The following SAAL1 variants were observed in gnomAD, a reference collection of about 807,000 sequenced individuals.
SAAL1 encodes the protein protein SAAL1.
SAAL1 carries 42 observed loss-of-function variants against 59.8 expected under a neutral mutation model. That is an observed-to-expected ratio of 0.70 (90% CI 0.55 to 0.91). The LOEUF is 0.91. SAAL1 is among the 40% of genes least tolerant of loss of function. SAAL1 has a pLI of 0.00. For missense variants in SAAL1, 542 were observed against 561.1 expected, an observed-to-expected ratio of 0.97 and a Z score of 0.34; for synonymous variants, 191 against 194.3, an observed-to-expected ratio of 0.98 and a Z score of 0.14.
At chr11:18,080,578 A>C in intron 11 of SAAL1, 87 bp from the exon 12 acceptor site, 1 of 751,348 alleles carries the variant, frequency 1.3e-6, no homozygotes, top group East Asian at 2.7e-5. Context: ...TGGTTTCTAA[A>C]TGGTCCAATG....
At chr11:18,087,281 A>C in intron 7 of SAAL1, 56 bp from the exon 8 acceptor site, 1 of 1,053,154 alleles carries the variant, frequency 9.5e-7, no homozygotes, top group East Asian at 2.4e-5. Flanking sequence ...AGGGGATTCC[A>C]ATCATTCCTC....
At chr11:18,085,407 T>C (rs1376460569) in intron 9 of SAAL1, among the ~76,000 whole-genome samples, 1 of 149,712 alleles carries the variant, frequency 6.7e-6, no homozygotes, top group Non-Finnish European at 1.5e-5. Flanking sequence ...AGAAAATATG[T>C]CACAGACAAT....
In SAAL1 at chr11:18,081,649, C is replaced by T. The variant is rs1590281876; in HGVS notation, c.1240-146G>A. On this transcript the variant is annotated intron_variant, in intron 10 of 11. Transcript: ENST00000524803. Reference sequence around the variant, plus strand: ...CCTGAACCCACCAACATCAAGGAGGCTTATGTAACCCAAACATGTTCTCCA... The same window carrying T: ...CCTGAACCCACCAACATCAAGGAGGTTTATGTAACCCAAACATGTTCTCCA... 3 of 628,294 alleles carry T rather than the reference C, an allele frequency of 4.8e-6. No individual in the cohort carries two copies. The East Asian group carries it at 8.2e-5, about 17-fold the overall frequency. 38.9% of individuals were successfully genotyped at this position (628,294 alleles called of 1,614,324 possible). A position where few individuals can be genotyped will look rare whatever the true frequency, so the allele number is the denominator to read the frequency against.
chr11:18,096,167 T>C (rs1848573669), intron 3 of SAAL1, among the ~76,000 whole-genome samples: 1 of 152,186 alleles, frequency 6.6e-6, no homozygotes, highest in Admixed American at 6.5e-5. Context: ...AGCATAACAG[T>C]GGTTATGCCT....
At chr11:18,103,946 G>A (rs1848662431) in intron 1 of SAAL1, among the ~76,000 whole-genome samples, 1 of 152,156 alleles carries the variant, frequency 6.6e-6, no homozygotes, top group Admixed American at 6.5e-5. Context: ...AATAAAGGTT[G>A]TAGTGATAAT....
intron 6 of SAAL1, 34 bp downstream of exon 6, chr11:18,090,141 A>G: frequency 6.6e-7 from 1 of 1,504,212 alleles, no homozygotes; most frequent in Non-Finnish European, 8.8e-7. Context: ...ATACAATTTA[A>G]AACATTTTTT....
intron 11 of SAAL1, 99 bp downstream of exon 11, chr11:18,081,312 C>T (rs1848407321): frequency 2.5e-6 from 2 of 806,416 alleles, no homozygotes; most frequent in Non-Finnish European, 2.1e-6. Context: ...ATTGTATATA[C>T]TATCATTTTT....
chr11:18,082,406 C>T (rs1180381127), intron 10 of SAAL1, among the ~76,000 whole-genome samples: 1 of 151,742 alleles, frequency 6.6e-6, no homozygotes, highest in Non-Finnish European at 1.5e-5. Context: ...ATTATAATAC[C>T]CAATAATAAG....
intron 8 of SAAL1, 24 bp from the exon 9 acceptor site, chr11:18,087,078 C>T: frequency 1.2e-6 from 2 of 1,604,596 alleles, no homozygotes; most frequent in Non-Finnish European, 1.7e-6. Context: ...ACAAATAAAG[C>T]AGTACTTTAA....
At chr11:18,086,215 C>G (rs569322375) in intron 9 of SAAL1, among the ~76,000 whole-genome samples, 92 of 152,050 alleles carry the variant, frequency 6.1e-4, no homozygotes, top group African/African-American at 2.2e-3. Flanking sequence ...CAAGCCTGGG[C>G]AAGATTGTGA....
chr11:18,081,631 C>A, intron 10 of SAAL1, 128 bp from the exon 11 acceptor site: 1 of 684,134 alleles, frequency 1.5e-6, no homozygotes, highest in Non-Finnish European at 2.6e-6. Context: ...CCACCTGAAC[C>A]CACCAACATC....
At chr11:18,081,001 T>C (rs953585787) in intron 11 of SAAL1, among the ~76,000 whole-genome samples, 3 of 152,226 alleles carry the variant, frequency 2.0e-5, no homozygotes, top group Non-Finnish European at 4.4e-5. Context: ...TCAACTTTTA[T>C]TGTAGACTCA....
intron 2 of SAAL1, among the ~76,000 whole-genome samples, chr11:18,098,320 C>T (rs1268009481): frequency 1.2e-4 from 18 of 152,226 alleles, no homozygotes; most frequent in African/African-American, 4.1e-4. Flanking sequence ...CTTCTTCCTA[C>T]AGAGTCTGCC....
At chr11:18,083,433 C>T in intron 10 of SAAL1, 102 bp downstream of exon 10, 2 of 640,806 alleles carry the variant, frequency 3.1e-6, no homozygotes, top group Non-Finnish European at 5.1e-6. Flanking sequence ...TTTATTTTCC[C>T]AAATTATATA....
chr11:18,096,788 T>G lies in SAAL1; in HGVS notation c.316A>C (p.Lys106Gln), dbSNP rs770948110. 8.7e-5 allele frequency: 136 copies of G among 1,571,578 alleles called. No homozygotes were observed. Among genetic ancestry groups the G allele is most frequent in the Middle Eastern group, 5.0e-4 (3 of 6,000 alleles). ...ATACTTACTCTTAATCGAGGACACT[T>G]GGACTTGGCCAGTACTCCCATGAAT... ...DIFMGVLAKS[K>Q]CPRLREICVG... Residue 106 changes from lysine (K) to glutamine (Q), a missense_variant, in exon 3 of 12, where the codon AAG becomes CAG. Coordinates refer to ENST00000524803, the MANE Select transcript of SAAL1 (RefSeq NM_138421.3).
chr11:18,088,331 T>C (rs973673944), intron 7 of SAAL1, among the ~76,000 whole-genome samples: 7 of 152,224 alleles, frequency 4.6e-5, no homozygotes, highest in South Asian at 2.1e-4. Flanking sequence ...TTTGGGAATA[T>C]GGATGGTCCC....
intron 3 of SAAL1, among the ~76,000 whole-genome samples, chr11:18,095,850 G>A (rs756513728): frequency 6.6e-6 from 1 of 152,212 alleles, no homozygotes; most frequent in Non-Finnish European, 1.5e-5. Context: ...ACTTGGGAAG[G>A]TGTGGAAGGA....
At chr11:18,096,540 G>A (rs1220711225) in intron 3 of SAAL1, among the ~76,000 whole-genome samples, 2 of 151,990 alleles carry the variant, frequency 1.3e-5, no homozygotes, top group Admixed American at 6.6e-5. Flanking sequence ...CCGTGATCAC[G>A]CCACTGCACT....
chr11:18,090,433 C>T lies in SAAL1; in HGVS notation c.473+1G>A, dbSNP rs775947574. On this transcript the variant is annotated splice_donor_variant, in intron 5 of 11. Coordinates refer to ENST00000524803, the MANE Select transcript of SAAL1 (RefSeq NM_138421.3). LOFTEE classifies it high-confidence loss of function. ...TAGAATTCATAAAAGGAAAAGCATA[C>T]CTGCTTGTTTCCAGCAGAGTAGGTG... is the stretch of plus-strand genomic sequence containing the variant. The T allele has an allele frequency of 1.1e-4, 176 of 1,605,474 alleles. No homozygotes were observed. The highest frequency in any genetic ancestry group is 1.7e-4 in the Middle Eastern group (1 of 6,060).
Sources: allele counts gnomAD v4.1 joint callset (sites outside exome capture counted in the v4.1 genomes callset), GRCh38; gene constraint gnomAD v4.1.1; transcripts MANE v1.5; gene names NCBI Gene and HGNC (gene_info 2026-07-23, HGNC 2026-07-21).